INSYN2B: variants seen among roughly 807,000 people sequenced by gnomAD.
INSYN2B encodes inhibitory synaptic factor family member 2B, also known as protein INSYN2B.
A neutral mutation model predicts 41.2 loss-of-function variants in INSYN2B; 16 were observed. The observed-to-expected ratio is 0.39, with a 90% CI of 0.26 to 0.59. The LOEUF is 0.59. INSYN2B is among the 20% of genes least tolerant of loss of function. The probability of loss-of-function intolerance (pLI) is 0.57; values close to 1 mark genes in which losing one functional copy is unlikely to be tolerated. For missense variants in INSYN2B, 608 were observed against 646.4 expected (o/e 0.94, Z 0.64); for synonymous variants, 245 against 244.4 (o/e 1.00, Z -0.02).
intron 1 of INSYN2B, among the ~76,000 whole-genome samples, chr5:169,933,071 T>G (rs1199445925): frequency 2.0e-5 from 3 of 152,196 alleles, no homozygotes; most frequent in African/African-American, 7.2e-5. Flanking sequence ...TTTCCACCTA[T>G]CCTACAGTCG....
At chr5:169,933,423 G>C (rs1016735535) in intron 1 of INSYN2B, among the ~76,000 whole-genome samples, 1 of 152,252 alleles carries the variant, frequency 6.6e-6, no homozygotes. Flanking sequence ...CAAAGATTGA[G>C]AGTGGCTGCT....
At chr5:169,966,623 C>A (rs1777310617) in intron 1 of INSYN2B, among the ~76,000 whole-genome samples, 1 of 152,148 alleles carries the variant, frequency 6.6e-6, no homozygotes, top group Admixed American at 6.5e-5. Context: ...GCTCCATACC[C>A]TTATTTTACA....
chr5:169,873,698 T>A (rs534941371), intron 3 of INSYN2B, among the ~76,000 whole-genome samples: 1 of 152,328 alleles, frequency 6.6e-6, no homozygotes, highest in South Asian at 2.1e-4. Flanking sequence ...TGAGTGCATA[T>A]TGCATTTCTA....
intron 1 of INSYN2B, among the ~76,000 whole-genome samples, chr5:169,932,175 G>A (rs1351912164): frequency 1.3e-5 from 2 of 152,136 alleles, no homozygotes; most frequent in African/African-American, 2.4e-5. Flanking sequence ...TAACATCAAC[G>A]GTGAGTATCT....
chr5:169,904,165 ACTTT>A (rs1220922557), intron 1 of INSYN2B, among the ~76,000 whole-genome samples: 1 of 150,964 alleles, frequency 6.6e-6, no homozygotes, highest in Non-Finnish European at 1.5e-5. Context: ...GATCCTTTGT[ACTTT>A]CTTGGGTAAA....
intron 1 of INSYN2B, among the ~76,000 whole-genome samples, chr5:169,964,529 T>A (rs1777222227): frequency 6.6e-6 from 1 of 152,238 alleles, no homozygotes; most frequent in Non-Finnish European, 1.5e-5. Flanking sequence ...TCTGCTGGAA[T>A]AGAAACCCAG....
chr5:169,888,022 C>T (rs1441971584), intron 1 of INSYN2B, among the ~76,000 whole-genome samples: 3 of 152,072 alleles, frequency 2.0e-5, no homozygotes, highest in South Asian at 2.1e-4. Flanking sequence ...TTTTACACAA[C>T]GTTTGATACA....
intron 1 of INSYN2B, among the ~76,000 whole-genome samples, chr5:169,953,282 G>A (rs1465312774): frequency 6.7e-6 from 1 of 149,170 alleles, no homozygotes; most frequent in Non-Finnish European, 1.5e-5. Flanking sequence ...GCAGTAAGCC[G>A]AGATTACACC....
chr5:169,959,858 G>C (rs1265805036), intron 1 of INSYN2B, among the ~76,000 whole-genome samples: 2 of 152,238 alleles, frequency 1.3e-5, no homozygotes, highest in Non-Finnish European at 2.9e-5. Flanking sequence ...GGATGGAAAA[G>C]AGGTTTGGCC....
intron 1 of INSYN2B, among the ~76,000 whole-genome samples, chr5:169,908,042 G>T (rs1774390845): frequency 6.6e-6 from 1 of 152,158 alleles, no homozygotes. Flanking sequence ...AGCTGTGATG[G>T]AACAATTTAG....
chr5:169,968,141 C>T (rs1407969727), intron 1 of INSYN2B, among the ~76,000 whole-genome samples: 4 of 152,208 alleles, frequency 2.6e-5, no homozygotes, highest in South Asian at 4.1e-4. Flanking sequence ...AAGCTGACAA[C>T]ACTTTGTAAT....
Position 169,883,942 on chromosome 5 carries a change from C to T in INSYN2B, c.-44G>A. 6.9e-7 allele frequency: 1 copy of T among 1,439,902 alleles called. No individual in the cohort carries two copies. Among genetic ancestry groups the T allele is most frequent in the Non-Finnish European group, 9.2e-7 (1 of 1,090,750 alleles). The allele number at this position is 1,439,902 out of a possible 1,614,324, so 89.2% of individuals were successfully genotyped here. ...ATCAGGACCATACACTTCTCCTAGGCACATCTCCCCTTAGGTCTTTGGAGC... is the reference window on the plus strand; with the variant it reads ...ATCAGGACCATACACTTCTCCTAGGTACATCTCCCCTTAGGTCTTTGGAGC... On this transcript the variant is annotated 5_prime_UTR_variant, in exon 2 of 4. Transcript: ENST00000377365.
intron 1 of INSYN2B, among the ~76,000 whole-genome samples, chr5:169,924,580 T>C (rs2113661283): frequency 6.6e-6 from 1 of 152,300 alleles, no homozygotes; most frequent in South Asian, 2.1e-4. Context: ...ACCCATCTCA[T>C]CTCTTCAGAG....
chr5:169,972,317 C>T (rs1777532957), intron 1 of INSYN2B, among the ~76,000 whole-genome samples: 2 of 152,084 alleles, frequency 1.3e-5, no homozygotes, highest in African/African-American at 4.8e-5. Context: ...TGTATCTTCC[C>T]CTTTATGGAT....
At chr5:169,944,322 C>T (rs1024437967) in intron 1 of INSYN2B, among the ~76,000 whole-genome samples, 4 of 152,198 alleles carry the variant, frequency 2.6e-5, no homozygotes, top group African/African-American at 9.7e-5. Context: ...CACCTCAGAA[C>T]AAAGCTGGCA....
intron 3 of INSYN2B, among the ~76,000 whole-genome samples, chr5:169,873,914 C>T (rs1431641133): frequency 3.3e-5 from 5 of 152,152 alleles, no homozygotes; most frequent in Non-Finnish European, 7.4e-5. Flanking sequence ...GCAGGGTGCA[C>T]AGCTGTGAGG....
At position 169,883,345 on chromosome 5, in the gene INSYN2B, A is replaced by G; in HGVS notation, c.554T>C (p.Ile185Thr). Residue 185 changes from isoleucine to threonine, a missense_variant, in exon 2 of 4, where the codon ATA becomes ACA. Coordinates refer to ENST00000377365, the MANE Select transcript of INSYN2B (RefSeq NM_001129891.3). Reference protein sequence around the residue: ...PKVQSNGPVSICLEAGTWRSL... With the variant: ...PKVQSNGPVSTCLEAGTWRSL... Reference sequence around the variant, plus strand: ...CCTCCAAGTTCCTGCTTCCAAGCATATGCTAACAGGACCATTGCTTTGCAC... The same window carrying G: ...CCTCCAAGTTCCTGCTTCCAAGCATGTGCTAACAGGACCATTGCTTTGCAC... The G allele has an allele frequency of 6.4e-7, 1 of 1,551,636 alleles. No homozygotes were observed. The highest frequency in any genetic ancestry group is 8.7e-7 in the Non-Finnish European group (1 of 1,146,934).
intron 3 of INSYN2B, among the ~76,000 whole-genome samples, chr5:169,868,054 A>G (rs566425455): frequency 6.6e-6 from 1 of 152,294 alleles, no homozygotes; most frequent in South Asian, 2.1e-4. Context: ...ATCATAGAGT[A>G]CCAGATAGAG....
At chr5:169,896,702 A>G (rs1277116855) in intron 1 of INSYN2B, among the ~76,000 whole-genome samples, 3 of 152,210 alleles carry the variant, frequency 2.0e-5, no homozygotes, top group South Asian at 2.1e-4. Context: ...AAAGATTTCT[A>G]TCACTCACTA....
Sources: gnomAD v4.1 joint callset for allele counts (sites outside exome capture counted in the v4.1 genomes callset) on GRCh38, gnomAD v4.1.1 for gene constraint, MANE v1.5 for transcripts, NCBI Gene and HGNC (gene_info 2026-07-23, HGNC 2026-07-21) for gene names.